Variants in AKAP19 observed in about 807,000 individuals in gnomAD.
AKAP19 encodes A-kinase anchoring protein 19.
chr2:190,024,096 A>C, the AKAP19 span, among the ~76,000 whole-genome samples: 1 of 151,880 alleles, frequency 6.6e-6, no homozygotes, highest in South Asian at 2.1e-4. Flanking sequence ...ATGCAAATGC[A>C]AATGACATGT....
the AKAP19 span, chr2:190,060,549 T>C: frequency 1.1e-6 from 1 of 894,394 alleles, no homozygotes; most frequent in Non-Finnish European, 1.7e-6. Context: ...CTATGCAGTC[T>C]TTTAAAATGA....
the AKAP19 span, among the ~76,000 whole-genome samples, chr2:190,116,713 G>A: frequency 6.6e-6 from 1 of 152,104 alleles, no homozygotes; most frequent in African/African-American, 2.4e-5. Flanking sequence ...CTCTTCTGGT[G>A]TGCCCAGAGT....
chr2:190,178,406 G>C, the AKAP19 span, among the ~76,000 whole-genome samples: 1 of 152,256 alleles, frequency 6.6e-6, no homozygotes, highest in Admixed American at 6.5e-5. This position sits in a 1 kb window ranked among gnomAD's most constrained non-coding sequence, Gnocchi z 6.3. Flanking sequence ...GCCCCACAGA[G>C]AGGAGAGCAG....
At chr2:190,062,117 T>C in the AKAP19 span, 1 of 1,206,970 alleles carries the variant, frequency 8.3e-7, no homozygotes, top group South Asian at 1.3e-5. Context: ...TCTACTTACA[T>C]ACAGGCCAAC....
chr2:189,952,581 G>A, the AKAP19 span, among the ~76,000 whole-genome samples: 1 of 152,122 alleles, frequency 6.6e-6, no homozygotes, highest in Non-Finnish European at 1.5e-5. Context: ...TAAATTAGGA[G>A]AAATGGTAAA....
At chr2:190,114,354 T>C in the AKAP19 span, among the ~76,000 whole-genome samples, 1 of 152,390 alleles carries the variant, frequency 6.6e-6, no homozygotes, top group Admixed American at 6.5e-5. Context: ...GAATGGCCTA[T>C]AATAGTTATT....
the AKAP19 span, among the ~76,000 whole-genome samples, chr2:190,145,827 A>ATG: frequency 9.7e-5 from 2 of 20,598 alleles, no homozygotes; most frequent in Admixed American, 1.6e-3. Context: ...TAATATATAT[A>ATG]TGTATATGTA....
the AKAP19 span, among the ~76,000 whole-genome samples, chr2:190,193,125 G>C: frequency 2.6e-5 from 4 of 152,002 alleles, no homozygotes; most frequent in African/African-American, 9.7e-5. Flanking sequence ...CATTACTTTT[G>C]AGGAAGGCCT....
chr2:189,914,614 TTA>T, the AKAP19 span, among the ~76,000 whole-genome samples: 1 of 152,130 alleles, frequency 6.6e-6, no homozygotes, highest in African/African-American at 2.4e-5. Context: ...TGCAGTTTAA[TTA>T]TGTTTTAATT....
the AKAP19 span, among the ~76,000 whole-genome samples, chr2:190,170,772 A>T: frequency 6.6e-6 from 1 of 152,158 alleles, no homozygotes; most frequent in South Asian, 2.1e-4. Flanking sequence ...AAGAGGTTAG[A>T]TTCACTATTT....
chr2:190,122,810 CT>C, the AKAP19 span, among the ~76,000 whole-genome samples: 288 of 144,486 alleles, frequency 2.0e-3, no homozygotes, highest in Non-Finnish European at 1.9e-3. Flanking sequence ...CTCTCTCTCT[CT>C]TTTTTTTTTT....
chr2:190,154,686 T>C, the AKAP19 span, among the ~76,000 whole-genome samples: 6 of 152,238 alleles, frequency 3.9e-5, no homozygotes, highest in Non-Finnish European at 8.8e-5. Context: ...TAGAAGTATA[T>C]GACTTATTTC....
At chr2:189,918,176 A>G in the AKAP19 span, among the ~76,000 whole-genome samples, 7 of 152,048 alleles carry the variant, frequency 4.6e-5, no homozygotes. Flanking sequence ...ATAATAGACA[A>G]TATTATACTT....
the AKAP19 span, among the ~76,000 whole-genome samples, chr2:190,012,079 T>A: frequency 6.6e-6 from 1 of 152,184 alleles, no homozygotes; most frequent in Non-Finnish European, 1.5e-5. Context: ...TGGAATATAT[T>A]TTCATTTTTT....
the AKAP19 span, among the ~76,000 whole-genome samples, chr2:190,001,608 T>A: frequency 2.0e-5 from 3 of 152,318 alleles, no homozygotes. Context: ...GAACTCCCCA[T>A]CATCTGCAGA....
the AKAP19 span, chr2:190,200,197 ATGTGACAAAAGCAAAAACTGG>A: frequency 6.5e-7 from 1 of 1,536,444 alleles, no homozygotes; most frequent in Non-Finnish European, 8.9e-7. Context: ...GTTTGAATAA[ATGTGACAAAAGCAAAAACTGG>A]TGTGAAAAAG....
the AKAP19 span, among the ~76,000 whole-genome samples, chr2:189,901,357 G>A: frequency 3.3e-5 from 5 of 151,596 alleles, no homozygotes; most frequent in Non-Finnish European, 1.5e-5. Context: ...TCTTTTTTCT[G>A]AGACAGAGTC....
At chr2:190,180,485 C>T in the AKAP19 span, 5 of 985,594 alleles carry the variant, frequency 5.1e-6, no homozygotes, top group South Asian at 2.3e-4. This position sits in a 1 kb window ranked among gnomAD's most constrained non-coding sequence, Gnocchi z 6.8. Flanking sequence ...CTCTTACTTT[C>T]ATTGACCTCT....
chr2:190,039,221 GGTGC>G, the AKAP19 span, among the ~76,000 whole-genome samples: 1 of 151,944 alleles, frequency 6.6e-6, no homozygotes. Context: ...TGGGATTACA[GGTGC>G]GTGCCATCAT....
Sources: allele counts gnomAD v4.1 joint callset (sites outside exome capture counted in the v4.1 genomes callset), GRCh38; gene constraint gnomAD v4.1.1; non-coding constraint Gnocchi (gnomAD v3.1); transcripts MANE v1.5; gene names NCBI Gene and HGNC (gene_info 2026-07-23, HGNC 2026-07-21).